The following EPHB2 variants were observed in gnomAD, a reference collection of about 807,000 sequenced individuals.
EPHB2 encodes the protein ephrin type-B receptor 2.
EPHB2 carries 18 observed loss-of-function variants against 96.4 expected under a neutral mutation model. The observed-to-expected ratio is 0.19, with a 90% CI of 0.13 to 0.28. EPHB2 has a LOEUF of 0.28. EPHB2 is among the 10% of genes least tolerant of loss of function. The pLI, the probability that EPHB2 is intolerant of heterozygous loss-of-function variation, is 1.00. For synonymous variants in EPHB2, 506 were observed against 534.1 expected (o/e 0.95, Z 0.72); for missense variants, 989 against 1,355.4 (o/e 0.73, Z 4.25).
chr1:22,891,654 G>A (rs1255677701), intron 6 of EPHB2, among the ~76,000 whole-genome samples: 1 of 152,138 alleles, frequency 6.6e-6, no homozygotes, highest in African/African-American at 2.4e-5. Flanking sequence ...TAGATTCCTT[G>A]GATCGCCCTG....
intron 1 of EPHB2, among the ~76,000 whole-genome samples, chr1:22,757,493 C>A (rs895706553): frequency 6.6e-6 from 1 of 152,168 alleles, no homozygotes; most frequent in Non-Finnish European, 1.5e-5. Context: ...CTTTTACTTA[C>A]CAGTCATGGG....
At chr1:22,794,606 T>C (rs1373614322) in intron 3 of EPHB2, among the ~76,000 whole-genome samples, 1 of 152,146 alleles carries the variant, frequency 6.6e-6, no homozygotes, top group Non-Finnish European at 1.5e-5. Flanking sequence ...TTTCTTCTGA[T>C]ACAAGCAGTA....
chr1:22,731,071 T>C (rs1182684008), intron 1 of EPHB2, among the ~76,000 whole-genome samples: 1 of 152,084 alleles, frequency 6.6e-6, no homozygotes, highest in African/African-American at 2.4e-5. Flanking sequence ...TTAAATGTCT[T>C]CTCCCTCTGG....
rs560930305 is a variant in EPHB2 at position 22,921,464 on chromosome 1, G to C, written c.*7894G>C. The C allele has an allele frequency of 6.6e-6, 1 of 152,070 alleles. No individual in the cohort carries two copies. The highest frequency in any genetic ancestry group is 2.4e-5 in the African/African-American group (1 of 41,388). The allele number at this position is 152,070 out of a possible 1,614,324, so 9.4% of individuals were successfully genotyped here. A position where few individuals can be genotyped will look rare whatever the true frequency, so the allele number is the denominator to read the frequency against. On this transcript the variant is annotated 3_prime_UTR_variant, in exon 16 of 16. Coordinates refer to ENST00000374630, the MANE Select transcript of EPHB2 (RefSeq NM_017449.5). ...TTGTAGGAGTATTTTTAGCAGAACC[G>C]TTTTTTTCCCAAAATAAATGTGAAT...
Position 22,779,993 on chromosome 1 carries a change from A to T in EPHB2, c.62-1428A>T, listed in dbSNP as rs77249861. ...CTCTCTCATAGCTATTTATATTCAC[A>T]CCTCATCTCCACTACCAGACCAGGA... On this transcript the variant is annotated intron_variant, in intron 1 of 15. Coordinates refer to ENST00000374630, the MANE Select transcript of EPHB2 (RefSeq NM_017449.5). Among the ~76,000 whole-genome samples, 231 of 152,026 alleles carry T rather than the reference A, an allele frequency of 1.5e-3. 8 individuals are homozygous for T. In the East Asian group the frequency reaches 0.035, roughly 23 times the overall value.
At chr1:22,812,761 C>T (rs547025124) in intron 3 of EPHB2, among the ~76,000 whole-genome samples, 1 of 152,208 alleles carries the variant, frequency 6.6e-6, no homozygotes, top group Non-Finnish European at 1.5e-5. Context: ...ACTCCATAAA[C>T]AGCAGCTGGC....
chr1:22,789,446 A>G (rs11801544), intron 3 of EPHB2, among the ~76,000 whole-genome samples: 9,873 of 152,248 alleles, frequency 0.065, 495 homozygotes, highest in East Asian at 0.18. Context: ...ACTAGTTCCC[A>G]GTGCAGTGAG....
intron 11 of EPHB2, among the ~76,000 whole-genome samples, chr1:22,907,428 A>G (rs184926179): frequency 5.9e-5 from 9 of 152,238 alleles, no homozygotes; most frequent in Admixed American, 1.3e-4. Flanking sequence ...TGGTGGGAGG[A>G]GTTCAGAGCA....
At chr1:22,823,836 A>C (rs1645186274) in intron 3 of EPHB2, among the ~76,000 whole-genome samples, 1 of 152,206 alleles carries the variant, frequency 6.6e-6, no homozygotes, top group Admixed American at 6.5e-5. Flanking sequence ...AGGTGTTCAT[A>C]GATATGTATG....
intron 1 of EPHB2, among the ~76,000 whole-genome samples, chr1:22,714,212 A>C (rs779622885): frequency 5.9e-5 from 9 of 152,138 alleles, no homozygotes; most frequent in Non-Finnish European, 1.0e-4. Context: ...TACTTCCCAG[A>C]GGAGGCTGTG....
intron 3 of EPHB2, among the ~76,000 whole-genome samples, chr1:22,805,066 G>GCCA (rs1375865380): frequency 3.3e-5 from 5 of 150,136 alleles, no homozygotes; most frequent in Non-Finnish European, 5.9e-5. Flanking sequence ...AGGGGCACAG[G>GCCA]TACCTACATA....
At chr1:22,808,959 C>G (rs1644967208) in intron 3 of EPHB2, among the ~76,000 whole-genome samples, 1 of 152,248 alleles carries the variant, frequency 6.6e-6, no homozygotes, top group Non-Finnish European at 1.5e-5. Flanking sequence ...TGCTGGGCAT[C>G]CTGCCTTGCT....
intron 9 of EPHB2, among the ~76,000 whole-genome samples, chr1:22,900,329 A>G (rs749054758): frequency 6.6e-6 from 1 of 152,166 alleles, no homozygotes; most frequent in Admixed American, 6.6e-5. Context: ...AAATTATGTC[A>G]TCCCCTCTTA....
At chr1:22,880,094 T>C (rs556505603) in intron 5 of EPHB2, among the ~76,000 whole-genome samples, 2 of 152,090 alleles carry the variant, frequency 1.3e-5, no homozygotes, top group East Asian at 3.9e-4. Flanking sequence ...CAGGGAACAT[T>C]GGAGCCTCGA....
intron 3 of EPHB2, among the ~76,000 whole-genome samples, chr1:22,812,498 G>A (rs1645017152): frequency 6.6e-6 from 1 of 152,210 alleles, no homozygotes; most frequent in Non-Finnish European, 1.5e-5. Context: ...ACCCGGTTGA[G>A]TGGGGGGACC....
chr1:22,803,779 C>T (rs895812678), intron 3 of EPHB2, among the ~76,000 whole-genome samples: 9 of 138,862 alleles, frequency 6.5e-5, no homozygotes, highest in African/African-American at 1.6e-4. Context: ...TGGGGTGTGA[C>T]GATGCATGTT....
chr1:22,767,722 T>C (rs1297794108), intron 1 of EPHB2, among the ~76,000 whole-genome samples: 1 of 152,098 alleles, frequency 6.6e-6, no homozygotes, highest in Admixed American at 6.6e-5. Flanking sequence ...CTGTGTCTTC[T>C]CCACCTCGAA....
intron 4 of EPHB2, 109 bp downstream of exon 4, chr1:22,863,301 T>A: frequency 6.5e-7 from 1 of 1,549,322 alleles, no homozygotes; most frequent in Non-Finnish European, 8.8e-7. Flanking sequence ...AGTCTTTCCC[T>A]GGTGGGAAGA....
chr1:22,889,906 A>G (rs1433841835), intron 6 of EPHB2, among the ~76,000 whole-genome samples: 3 of 152,246 alleles, frequency 2.0e-5, no homozygotes, highest in Non-Finnish European at 4.4e-5. Flanking sequence ...ACCAAAATGT[A>G]TTTGTTGTTC....
Sources: allele counts gnomAD v4.1 joint callset (sites outside exome capture counted in the v4.1 genomes callset), GRCh38; gene constraint gnomAD v4.1.1; transcripts MANE v1.5; gene names NCBI Gene and HGNC (gene_info 2026-07-23, HGNC 2026-07-21).